SOHLH1: variants seen among roughly 807,000 people sequenced by gnomAD.
The protein encoded by SOHLH1 is spermatogenesis and oogenesis specific basic helix-loop-helix 1.
In SOHLH1, 23 loss-of-function variants were observed where a neutral mutation model predicts 36.2. That is an observed-to-expected ratio of 0.64 (90% CI 0.46 to 0.90). The LOEUF is 0.90. Among genes scored for constraint, SOHLH1 ranks in the 40% least tolerant of loss-of-function variants. The pLI is 0.00. For missense variants in SOHLH1, 608 were observed against 517.0 expected (o/e 1.18, Z -1.71); for synonymous variants, 289 against 228.3 (o/e 1.27, Z -2.40).
Position 135,693,539 on chromosome 9 carries a change from G to A in SOHLH1, c.*58C>T. ...AATAAAATGCCCAAGCACGCGACAG[G>A]GACACACACGGCTCCAGATCCACCG... On this transcript the variant is annotated 3_prime_UTR_variant, in exon 8 of 8. Transcript: ENST00000425225. The A allele has an allele frequency of 6.6e-7, 1 of 1,510,448 alleles. No homozygotes were observed. Among genetic ancestry groups the A allele is most frequent in the African/African-American group, 1.4e-5 (1 of 72,042 alleles). 93.6% of individuals were successfully genotyped at this position (1,510,448 alleles called of 1,614,324 possible).
chr9:135,697,464 G>C, intron 4 of SOHLH1, 42 bp downstream of exon 4: 1 of 1,596,170 alleles, frequency 6.3e-7, no homozygotes, highest in South Asian at 1.1e-5. Context: ...GCTGCTCCCA[G>C]GGTCACCCAG....
chr9:135,697,603 A>G lies in SOHLH1; in HGVS notation c.370T>C (p.Trp124Arg), dbSNP rs896150684. Residue 124 changes from tryptophan (W) to arginine (R), a missense_variant, in exon 4 of 8, where the codon TGG becomes CGG. Physicochemically the swap from Trp to Arg is moderately radical, Grantham distance 101. Coordinates refer to ENST00000425225, the MANE Select transcript of SOHLH1 (RefSeq NM_001101677.2). ...HAILASSKEM[W>R]HSLQEDVLQL... ...AAAACATCCTCCTGCAACGAGTGCCACATTTCCTTGGAGGAAGCAAGAATC... is the reference window on the plus strand; with the variant it reads ...AAAACATCCTCCTGCAACGAGTGCCGCATTTCCTTGGAGGAAGCAAGAATC... 43 of 1,612,270 alleles carry G rather than the reference A, an allele frequency of 2.7e-5. No homozygotes were observed. Among genetic ancestry groups the G allele is most frequent in the Non-Finnish European group, 3.6e-5 (42 of 1,179,600 alleles).
chr9:135,695,226 A>C lies in SOHLH1; in HGVS notation c.699T>G (p.Ser233Arg). 1 of 1,603,628 alleles carries C rather than the reference A, an allele frequency of 6.2e-7. No individual in the cohort carries two copies. Among genetic ancestry groups the C allele is most frequent in the South Asian group, 1.1e-5 (1 of 88,956 alleles). The change falls in exon 6 of 8, where the codon AGT becomes AGG. Residue 233 changes from serine (S) to arginine (R), a missense_variant. Ser to Arg is a moderately radical substitution (Grantham distance 110, BLOSUM62 -1). Transcript: ENST00000425225. The stretch of plus-strand genomic sequence containing the variant: ...GGGGTGGCCTCACAGCCTTAGGAAG[A>C]CTCCGGCCTGGGGGCCACGGCACCA... Reference protein sequence around the residue: ...SSLVPWPPGRSLPKAVRPPLS... With the variant: ...SSLVPWPPGRRLPKAVRPPLS...
At chr9:135,699,290 C>A in intron 1 of SOHLH1, 113 bp downstream of exon 1, 3 of 1,495,420 alleles carry the variant, frequency 2.0e-6, no homozygotes, top group Non-Finnish European at 1.8e-6. Flanking sequence ...CTCCCAGGGT[C>A]CAGGGCTCCG....
At chr9:135,695,410 G>A (rs1317502076) in intron 5 of SOHLH1, 147 bp from the exon 6 acceptor site, 8 of 722,854 alleles carry the variant, frequency 1.1e-5, no homozygotes, top group East Asian at 5.5e-5. Flanking sequence ...ACACGTGGGA[G>A]GAAGCTCAGA....
chr9:135,696,014 G>A (rs2131289880), intron 5 of SOHLH1, among the ~76,000 whole-genome samples: 1 of 152,150 alleles, frequency 6.6e-6, no homozygotes, highest in Non-Finnish European at 1.5e-5. Context: ...GCCACAGGCG[G>A]GTGAGAGAAG....
Position 135,696,685 on chromosome 9 carries a change from C to T in SOHLH1, c.588G>A (p.Thr196=), listed in dbSNP as rs546290088. 4.3e-6 allele frequency: 7 copies of T among 1,612,972 alleles called. No homozygotes were observed. The highest frequency in any genetic ancestry group is 4.0e-5 in the African/African-American group (3 of 75,050). Residue 196 remains threonine (T), a synonymous_variant, in exon 5 of 8, where the codon ACG becomes ACA. Coordinates refer to ENST00000425225, the MANE Select transcript of SOHLH1 (RefSeq NM_001101677.2). ...CCTCACACTTGTCCGTGCCCAGGGA[C>T]GTGCAGCTCGCGGGGTCCCACTGCC... is the stretch of plus-strand genomic sequence containing the variant. The part of the protein sequence containing the change: ...SSRQWDPASC[T]SLGTDKCEAL...
At chr9:135,695,960 C>T (rs1450983474) in intron 5 of SOHLH1, among the ~76,000 whole-genome samples, 2 of 152,180 alleles carry the variant, frequency 1.3e-5, no homozygotes, top group African/African-American at 2.4e-5. Context: ...GCAGATGGGG[C>T]GCCCCGGGGA....
intron 5 of SOHLH1, among the ~76,000 whole-genome samples, chr9:135,696,047 G>A (rs928779924): frequency 2.8e-4 from 43 of 151,412 alleles, no homozygotes; most frequent in African/African-American, 1.0e-3. Context: ...GCTGGACGGA[G>A]CAACCAGGAT....
Position 135,693,645 on chromosome 9 carries a change from G to A in SOHLH1, c.1116C>T (p.Ala372=), listed in dbSNP as rs1456313511. 4 of 1,587,182 alleles carry A rather than the reference G, an allele frequency of 2.5e-6. No individual in the cohort carries two copies. Among genetic ancestry groups the A allele is most frequent in the Non-Finnish European group, 3.4e-6 (4 of 1,167,290 alleles). Residue 372 remains alanine (A), a synonymous_variant, in exon 8 of 8, where the codon GCC becomes GCT. Transcript: ENST00000425225. ...AGATGCTCTCCACCTCGTCCTTCAG[G>A]GCCAGGCCTGCACAGTCCACATCCA... The part of the protein sequence containing the change: ...WGLDVDCAGL[A]LKDEVESIFP...
chr9:135,694,252 C>A lies in SOHLH1; in HGVS notation c.946+135G>T, dbSNP rs117995308. The A allele has an allele frequency of 7.3e-3, 11,180 of 1,526,108 alleles. 81 individuals carry two copies. Among genetic ancestry groups the A allele is most frequent in the Middle Eastern group, 0.03 (161 of 5,382 alleles). The allele number at this position is 1,526,108 out of a possible 1,614,324, so 94.5% of individuals were successfully genotyped here. A position where few individuals can be genotyped will look rare whatever the true frequency, so the allele number is the denominator to read the frequency against. On this transcript the variant is annotated intron_variant, in intron 7 of 7. Coordinates refer to ENST00000425225, the MANE Select transcript of SOHLH1 (RefSeq NM_001101677.2). ...CAGACACGGCCCAACAGCTAAGCAC[C>A]AACGGTGGAGAAAACGGGGGCTCAG...
rs1226579105 is a variant in SOHLH1, at chr9:135,695,142, A to G, written c.783T>C (p.Leu261=). 1 of 1,599,668 alleles carries G rather than the reference A, an allele frequency of 6.3e-7. No individual in the cohort carries two copies. The highest frequency in any genetic ancestry group is 2.3e-5 in the East Asian group (1 of 44,366). Residue 261 remains leucine, a synonymous_variant, in exon 6 of 8, where the codon CTT becomes CTC. Coordinates refer to ENST00000425225, the MANE Select transcript of SOHLH1 (RefSeq NM_001101677.2). The part of the protein sequence containing the change: ...QTLPVMSGEA[L]GWLGQAGPLA... ...GGGGCCCAGCCTGGCCCAGCCAGCC[A>G]AGGGCCTCCCCGCTCATCACGGGCA...
Position 135,695,044 on chromosome 9 carries a change from A to G in SOHLH1, c.875+6T>C. On this transcript the variant is annotated splice_donor_region_variant and intron_variant, in intron 6 of 7. Coordinates refer to ENST00000425225, the MANE Select transcript of SOHLH1 (RefSeq NM_001101677.2). ...ACACAGGCGTGCACACCACCTGGGC[A>G]CTCACCCGGCCTCCTGCGCCAGCAT... The G allele has an allele frequency of 3.1e-6, 5 of 1,587,870 alleles. No homozygotes were observed. Among genetic ancestry groups the G allele is most frequent in the Non-Finnish European group, 4.3e-6 (5 of 1,169,464 alleles).
chr9:135,695,666 C>T (rs547533726), intron 5 of SOHLH1, among the ~76,000 whole-genome samples: 1 of 152,162 alleles, frequency 6.6e-6, no homozygotes, highest in African/African-American at 2.4e-5. Context: ...CTGACACCAG[C>T]CCTGCCAACT....
chr9:135,694,932 CG>C, intron 6 of SOHLH1, 117 bp downstream of exon 6: 1 of 1,167,152 alleles, frequency 8.6e-7, no homozygotes, highest in Non-Finnish European at 1.2e-6. Flanking sequence ...GAAGCAGAGA[CG>C]GAAGCTTCCA....
chr9:135,699,770 C>T (rs981653895), upstream of SOHLH1, among the ~76,000 whole-genome samples: 1 of 152,044 alleles, frequency 6.6e-6, no homozygotes, highest in African/African-American at 2.4e-5. Flanking sequence ...CTACCCTTAC[C>T]TTCCCGGGGG....
At position 135,693,438 on chromosome 9, in the gene SOHLH1, C is replaced by T. The variant is rs563728841; in HGVS notation, c.*159G>A. ...TTCCTCCAGGAAAACTGCTTTCCCT[C>T]TTTAATATTCACTATCCTCTTCTCA... On this transcript the variant is annotated 3_prime_UTR_variant, in exon 8 of 8. Coordinates refer to ENST00000425225, the MANE Select transcript of SOHLH1 (RefSeq NM_001101677.2). 8.5e-5 allele frequency: 91 copies of T among 1,071,918 alleles called. No homozygotes were observed. In the Middle Eastern group the frequency reaches 2.2e-3, roughly 26 times the overall value. The allele number at this position is 1,071,918 out of a possible 1,614,324, so 66.4% of individuals were successfully genotyped here. A position where few individuals can be genotyped will look rare whatever the true frequency, so the allele number is the denominator to read the frequency against.
upstream of SOHLH1, chr9:135,702,107 G>T: frequency 1.6e-6 from 1 of 609,056 alleles, no homozygotes; most frequent in Non-Finnish European, 2.7e-6. Context: ...GGGGGCGCGC[G>T]CGGACAGACG....
Position 135,695,101 on chromosome 9 carries a change from G to T in SOHLH1, c.824C>A (p.Ala275Glu). 1 of 1,598,560 alleles carries T rather than the reference G, an allele frequency of 6.3e-7. No individual in the cohort carries two copies. The highest frequency in any genetic ancestry group is 1.7e-5 in the Admixed American group (1 of 58,534). Residue 275 changes from alanine to glutamate, a missense_variant, in exon 6 of 8, where the codon GCA becomes GAA. By Grantham distance (107) the Ala-to-Glu change is moderately radical. Coordinates refer to ENST00000425225, the MANE Select transcript of SOHLH1 (RefSeq NM_001101677.2). Reference protein sequence around the residue: ...GQAGPLAMGAAPLGEPAKEDP... With the variant: ...GQAGPLAMGAEPLGEPAKEDP... ...CTCCTTGGCTGGCTCCCCCAGAGGTGCAGCCCCCATGGCCAGGGGCCCAGC... is the reference window on the plus strand; with the variant it reads ...CTCCTTGGCTGGCTCCCCCAGAGGTTCAGCCCCCATGGCCAGGGGCCCAGC...
Sources: gnomAD v4.1 joint callset for allele counts (sites outside exome capture counted in the v4.1 genomes callset) on GRCh38, gnomAD v4.1.1 for gene constraint, MANE v1.5 for transcripts, NCBI Gene and HGNC (gene_info 2026-07-23, HGNC 2026-07-21) for gene names.